The following CCDC7 variants were observed in gnomAD, a reference collection of about 807,000 sequenced individuals.
CCDC7 encodes the protein coiled-coil domain containing 7.
CCDC7 carries 183 observed loss-of-function variants against 196.9 expected under a neutral mutation model. The ratio of observed to expected loss-of-function variants is 0.93; its 90% CI spans 0.82 to 1.05. CCDC7 has a LOEUF of 1.05. Among genes scored for constraint, CCDC7 ranks in the 50% least tolerant of loss-of-function variants. CCDC7 has a pLI of 0.00. For synonymous variants in CCDC7, 525 were observed against 484.6 expected, an observed-to-expected ratio of 1.08 and a Z score of -1.10; for missense variants, 1,540 against 1,482.2, an observed-to-expected ratio of 1.04 and a Z score of -0.64.
chr10:32,788,881 G>A (rs1026597023), intron 29 of CCDC7, among the ~76,000 whole-genome samples: 8 of 152,158 alleles, frequency 5.3e-5, no homozygotes, highest in African/African-American at 1.7e-4. Context: ...CTGATTTTGT[G>A]GATATGGCTT....
downstream of CCDC7, among the ~76,000 whole-genome samples, chr10:32,880,666 A>G (rs1002874348): frequency 2.6e-5 from 4 of 152,148 alleles, no homozygotes; most frequent in African/African-American, 9.7e-5. Flanking sequence ...TAGGATTTGT[A>G]TAGTTTTGGG....
intron 37 of CCDC7, 67 bp from the exon 39 acceptor site, chr10:32,847,766 C>A: frequency 1.3e-5 from 12 of 930,150 alleles, no homozygotes; most frequent in South Asian, 4.8e-5. Context: ...GAAAAAAGAA[C>A]TAAAATACAT....
chr10:32,719,124 A>G (rs1292714966), intron 25 of CCDC7, among the ~76,000 whole-genome samples: 1 of 152,210 alleles, frequency 6.6e-6, no homozygotes, highest in Non-Finnish European at 1.5e-5. Context: ...ACTCCAAACT[A>G]TACTACAAGG....
chr10:32,747,379 A>G (rs191031991), intron 28 of CCDC7, among the ~76,000 whole-genome samples: 1 of 152,342 alleles, frequency 6.6e-6, no homozygotes, highest in East Asian at 1.9e-4. Flanking sequence ...ATCTAATTAA[A>G]TTAAGGAGCT....
At chr10:32,869,734 T>C (rs1204026830) in intron 41 of CCDC7, among the ~76,000 whole-genome samples, 2 of 152,032 alleles carry the variant, frequency 1.3e-5, no homozygotes, top group Non-Finnish European at 2.9e-5. Context: ...CTTGAATTAA[T>C]TTTTGTATAA....
chr10:32,531,532 CTCTG>C (rs1282360633), intron 11 of CCDC7, among the ~76,000 whole-genome samples: 3 of 152,122 alleles, frequency 2.0e-5, no homozygotes, highest in Non-Finnish European at 4.4e-5. Flanking sequence ...TTTGCTGTGT[CTCTG>C]TCTGGTTTTG....
intron 9 of CCDC7, among the ~76,000 whole-genome samples, chr10:32,500,484 C>T (rs1046149709): frequency 3.4e-5 from 5 of 148,696 alleles, no homozygotes; most frequent in East Asian, 2.0e-4. Context: ...ACATCCCAGA[C>T]GATGGGCGGC....
At chr10:32,509,831 A>G (rs939299507) in intron 9 of CCDC7, among the ~76,000 whole-genome samples, 1 of 152,332 alleles carries the variant, frequency 6.6e-6, no homozygotes, top group Non-Finnish European at 1.5e-5. Context: ...CAAAATCACA[A>G]TGAAATAATA....
chr10:32,754,844 G>A (rs2484730), intron 28 of CCDC7, among the ~76,000 whole-genome samples: 52,090 of 152,016 alleles, frequency 0.34, 11,313 homozygotes, highest in Non-Finnish European at 0.49. Context: ...GAAGTGCAAG[G>A]GGTTAGGGAA....
At chr10:32,595,463 C>T (rs1032689691) in intron 18 of CCDC7, among the ~76,000 whole-genome samples, 2 of 152,108 alleles carry the variant, frequency 1.3e-5, no homozygotes, top group African/African-American at 4.8e-5. Flanking sequence ...TGCGAGTGGT[C>T]TATCAATTTT....
At chr10:32,832,663 T>C (rs1011105623) in intron 32 of CCDC7, among the ~76,000 whole-genome samples, 8 of 152,094 alleles carry the variant, frequency 5.3e-5, no homozygotes, top group Non-Finnish European at 7.4e-5. Context: ...TCAGGCCGTG[T>C]TATTAAAAAA....
chr10:32,653,907 G>C (rs1235318876), intron 20 of CCDC7, among the ~76,000 whole-genome samples: 1 of 152,058 alleles, frequency 6.6e-6, no homozygotes, highest in East Asian at 1.9e-4. Flanking sequence ...TATTAAAAAA[G>C]TTTTTTCTTC....
chr10:32,843,460 TC>T lies in CCDC7; in HGVS notation c.3353-1782del, dbSNP rs542095078. On this transcript the variant is annotated intron_variant, in intron 33 of 41. Transcript: ENST00000639629. ...TCAGAGCTACACAAATATGTGAACA[TC>T]TTAAAAAACATTGAATCGAACACTT... Among the ~76,000 whole-genome samples, 86 of 152,136 alleles carry T rather than the reference TC, an allele frequency of 5.7e-4. No homozygotes were observed. In the South Asian group the frequency reaches 0.018, roughly 31 times the overall value.
At chr10:32,582,093 T>A (rs1412583950) in intron 16 of CCDC7, among the ~76,000 whole-genome samples, 2 of 137,824 alleles carry the variant, frequency 1.5e-5, no homozygotes, top group South Asian at 4.6e-4. Context: ...TATGTTTTTT[T>A]AAACTGTCAG....
At chr10:32,671,177 C>T (rs1261261700) in intron 21 of CCDC7, among the ~76,000 whole-genome samples, 1 of 151,940 alleles carries the variant, frequency 6.6e-6, no homozygotes, top group Non-Finnish European at 1.5e-5. Flanking sequence ...ATTCACCACT[C>T]ACTTACTCAC....
At chr10:32,698,340 C>T (rs745875020) in intron 24 of CCDC7, among the ~76,000 whole-genome samples, 13 of 151,980 alleles carry the variant, frequency 8.6e-5, no homozygotes, top group East Asian at 1.9e-4. Context: ...GAAAGCTGGA[C>T]GGAGAATGAC....
intron 18 of CCDC7, among the ~76,000 whole-genome samples, chr10:32,598,222 G>A (rs2060621467): frequency 1.3e-5 from 2 of 152,150 alleles, no homozygotes; most frequent in South Asian, 4.1e-4. Flanking sequence ...CCCACCCCCA[G>A]CCTCACTGTC....
chr10:32,725,927 C>T (rs2083057666), intron 25 of CCDC7, among the ~76,000 whole-genome samples: 1 of 152,118 alleles, frequency 6.6e-6, no homozygotes. Flanking sequence ...ATATGTAAAA[C>T]ATTAACCTAC....
At chr10:32,773,006 C>T (rs968191667) in intron 28 of CCDC7, among the ~76,000 whole-genome samples, 1 of 152,190 alleles carries the variant, frequency 6.6e-6, no homozygotes, top group African/African-American at 2.4e-5. Context: ...ATTATCCCAT[C>T]TTCTCCTGAT....
Sources: gnomAD v4.1 joint callset for allele counts (sites outside exome capture counted in the v4.1 genomes callset) on GRCh38, gnomAD v4.1.1 for gene constraint, MANE v1.5 for transcripts, NCBI Gene and HGNC (gene_info 2026-07-23, HGNC 2026-07-21) for gene names.